Variants in MEMO1 observed in about 807,000 individuals in gnomAD.
MEMO1 encodes mediator of cell motility 1.
MEMO1 carries 6 observed loss-of-function variants against 45.2 expected under a neutral mutation model. The observed-to-expected ratio is 0.13, with a 90% confidence interval of 0.07 to 0.26. MEMO1 has a LOEUF of 0.26. Ranked by LOEUF, MEMO1 falls within the 10% of genes least tolerant of loss-of-function variation. MEMO1 has a pLI of 1.00. For synonymous variants in MEMO1, 78 were observed against 124.3 expected, an observed-to-expected ratio of 0.63 and a Z score of 2.48; for missense variants, 184 against 370.5, an observed-to-expected ratio of 0.50 and a Z score of 4.13.
intron 3 of MEMO1, 40 bp downstream of exon 3, chr2:31,943,262 C>T (rs749658572): frequency 2.7e-6 from 4 of 1,508,210 alleles, no homozygotes; most frequent in Non-Finnish European, 3.7e-6. Context: ...GAGACTCCTT[C>T]TCAAAAAACA....
intron 2 of MEMO1, among the ~76,000 whole-genome samples, chr2:31,994,666 C>T (rs1481253782): frequency 2.0e-5 from 3 of 151,910 alleles, no homozygotes; most frequent in South Asian, 4.2e-4. Context: ...AATAGACATA[C>T]GGCCAGGCAC....
intron 8 of MEMO1, among the ~76,000 whole-genome samples, chr2:31,883,040 G>C (rs184287588): frequency 6.6e-6 from 1 of 152,196 alleles, no homozygotes; most frequent in African/African-American, 2.4e-5. Flanking sequence ...ACAGGAATTA[G>C]AGTCAAGGTA....
intron 1 of MEMO1, 147 bp from the exon 2 acceptor site, chr2:32,010,411 A>C (rs1479929043): frequency 6.8e-5 from 28 of 409,578 alleles, no homozygotes; most frequent in African/African-American, 2.2e-4. Context: ...GAAGAGGAGG[A>C]GGCGGCGGCC....
chr2:31,977,050 A>G (rs778860388), intron 2 of MEMO1, among the ~76,000 whole-genome samples: 1 of 152,206 alleles, frequency 6.6e-6, no homozygotes, highest in African/African-American at 2.4e-5. Context: ...AAGGATTTAG[A>G]GTTCAGAAGA....
At chr2:31,933,970 C>A (rs1405068699) in intron 3 of MEMO1, among the ~76,000 whole-genome samples, 2 of 152,140 alleles carry the variant, frequency 1.3e-5, no homozygotes, top group African/African-American at 2.4e-5. Context: ...GTGCCTGAGA[C>A]GTCACTGCTC....
At chr2:31,874,392 A>C (rs1337562505) in intron 8 of MEMO1, among the ~76,000 whole-genome samples, 1 of 152,110 alleles carries the variant, frequency 6.6e-6, no homozygotes, top group Non-Finnish European at 1.5e-5. Context: ...ATCCTATGCT[A>C]CAGTTACATA....
Position 31,935,808 on chromosome 2 carries a change from A to T in MEMO1, c.144-3673T>A, listed in dbSNP as rs1037104650. 2.6e-4 allele frequency among the ~76,000 whole-genome samples: 39 copies of T among 152,176 alleles called. 1 individual carries two copies. The highest frequency in any genetic ancestry group is 2.6e-4 in the Admixed American group (4 of 15,282). On this transcript the variant is annotated intron_variant, in intron 3 of 9. Coordinates refer to ENST00000404530, the MANE Select transcript of MEMO1 (RefSeq NM_001301833.4). ...TGTGGAAACAACGTTTTATCAAGAG[A>T]TCATTCATAATAAAGGAGGCTTCAC...
At chr2:31,937,815 T>TCA (rs1665097151) in intron 3 of MEMO1, among the ~76,000 whole-genome samples, 1 of 152,238 alleles carries the variant, frequency 6.6e-6, no homozygotes, top group Non-Finnish European at 1.5e-5. Context: ...AAATTCATGT[T>TCA]AACCAATTAT....
At chr2:31,995,754 T>C (rs1672516523) in intron 2 of MEMO1, among the ~76,000 whole-genome samples, 1 of 152,004 alleles carries the variant, frequency 6.6e-6, no homozygotes, top group Admixed American at 6.6e-5. Context: ...TTCCAAATTT[T>C]CTGAAAACTA....
At chr2:31,894,790 T>C (rs1176765503) in intron 6 of MEMO1, among the ~76,000 whole-genome samples, 3 of 152,110 alleles carry the variant, frequency 2.0e-5, no homozygotes, top group African/African-American at 7.2e-5. Context: ...GAAAACAGAC[T>C]ATACTTAGTT....
At chr2:31,982,586 C>T (rs1381145652) in intron 2 of MEMO1, among the ~76,000 whole-genome samples, 3 of 121,602 alleles carry the variant, frequency 2.5e-5, no homozygotes, top group East Asian at 2.5e-4. Context: ...AAGACTCCGT[C>T]TCAAAAAAAA....
At chr2:31,914,898 A>G (rs946528944) in intron 6 of MEMO1, among the ~76,000 whole-genome samples, 4 of 151,268 alleles carry the variant, frequency 2.6e-5, no homozygotes, top group Non-Finnish European at 4.4e-5. Context: ...TCAAGGCTAC[A>G]GTGAGTTATA....
At chr2:31,971,273 A>C (rs992504377) in intron 2 of MEMO1, among the ~76,000 whole-genome samples, 1 of 152,048 alleles carries the variant, frequency 6.6e-6, no homozygotes, top group Non-Finnish European at 1.5e-5. Context: ...TTTGAAAAAG[A>C]GTCTTGCTCT....
chr2:31,888,591 G>T (rs1451121180), intron 7 of MEMO1, among the ~76,000 whole-genome samples: 1 of 152,034 alleles, frequency 6.6e-6, no homozygotes, highest in Non-Finnish European at 1.5e-5. Flanking sequence ...AGCACAAAAA[G>T]TATTGGAACA....
At position 31,900,037 on chromosome 2, in the gene MEMO1, C is replaced by G. The variant is rs138665888; in HGVS notation, c.438-7903G>C. Among the ~76,000 whole-genome samples, 278 of 152,260 alleles carry G rather than the reference C, an allele frequency of 1.8e-3. 2 individuals carry two copies. Among genetic ancestry groups the G allele is most frequent in the African/African-American group, 6.5e-3 (269 of 41,552 alleles). ...TTAAAAAGTCAGCAAACAACAGATG[C>G]TAGAGAGGATGTGGAGAAACAGGAA... is the stretch of plus-strand genomic sequence containing the variant. On this transcript the variant is annotated intron_variant, in intron 6 of 9. Coordinates refer to ENST00000404530, the MANE Select transcript of MEMO1 (RefSeq NM_001301833.4).
intron 2 of MEMO1, among the ~76,000 whole-genome samples, chr2:31,974,091 C>T (rs914284912): frequency 5.3e-5 from 8 of 151,790 alleles, no homozygotes; most frequent in African/African-American, 1.9e-4. Flanking sequence ...TTCTCGCTCG[C>T]TCCCTCCCTC....
At chr2:32,005,255 G>A (rs1673914930) in intron 2 of MEMO1, among the ~76,000 whole-genome samples, 1 of 150,424 alleles carries the variant, frequency 6.6e-6, no homozygotes, top group Non-Finnish European at 1.5e-5. Flanking sequence ...AGGAAGTTGA[G>A]GCTGCAGTGA....
chr2:31,970,855 T>G (rs1435169415), intron 2 of MEMO1, among the ~76,000 whole-genome samples: 2 of 151,996 alleles, frequency 1.3e-5, no homozygotes, highest in East Asian at 3.9e-4. Context: ...AATAGACCAA[T>G]TAGCTGGACA....
At chr2:31,912,445 G>A (rs185805184) in intron 6 of MEMO1, among the ~76,000 whole-genome samples, 13 of 151,216 alleles carry the variant, frequency 8.6e-5, no homozygotes, top group Admixed American at 2.0e-4. Context: ...CCCAGGAGGC[G>A]GAGGTTGCAG....
Sources: allele counts gnomAD v4.1 joint callset (sites outside exome capture counted in the v4.1 genomes callset), GRCh38; gene constraint gnomAD v4.1.1; transcripts MANE v1.5; gene names NCBI Gene and HGNC (gene_info 2026-07-23, HGNC 2026-07-21).